Variants in ZNF474 observed in about 807,000 individuals in gnomAD.
The protein encoded by ZNF474 is 4933409D10Rik.
For synonymous variants in ZNF474, 192 were observed against 162.2 expected (o/e 1.18, Z -1.39); for missense variants, 511 against 433.8 (o/e 1.18, Z -1.58).
intron 1 of ZNF474, among the ~76,000 whole-genome samples, chr5:122,132,126 A>G (rs1755591824): frequency 6.6e-6 from 1 of 152,110 alleles, no homozygotes; most frequent in Non-Finnish European, 1.5e-5. Flanking sequence ...TCGGCAGCAC[A>G]TTATTCAAAG....
intron 1 of ZNF474, among the ~76,000 whole-genome samples, chr5:122,144,222 A>G (rs1755926195): frequency 6.6e-6 from 1 of 152,228 alleles, no homozygotes; most frequent in African/African-American, 2.4e-5. Flanking sequence ...ACTAATAAAT[A>G]TGTTGTATTT....
intron 1 of ZNF474, among the ~76,000 whole-genome samples, chr5:122,137,446 CAAAAAAAAAAAA>C (rs1166694085): frequency 0.01 from 121 of 11,602 alleles, no homozygotes; most frequent in East Asian, 0.017. Flanking sequence ...GACTCTGTCT[CAAAAAAAAAAAA>C]AAAAAAAAAA....
chr5:122,131,006 C>A (rs1414839415), intron 1 of ZNF474, among the ~76,000 whole-genome samples: 1 of 152,120 alleles, frequency 6.6e-6, no homozygotes, highest in Non-Finnish European at 1.5e-5. Context: ...TTCGTCTCAT[C>A]CTCCACTCAT....
chr5:122,145,402 A>G (rs1355954444), intron 1 of ZNF474, among the ~76,000 whole-genome samples: 1 of 152,170 alleles, frequency 6.6e-6, no homozygotes, highest in Non-Finnish European at 1.5e-5. Flanking sequence ...CCATGGTACC[A>G]GACGCTGCCT....
At position 122,153,420 on chromosome 5, in the gene ZNF474, T is replaced by C. The variant is rs537195570; in HGVS notation, c.*335T>C. ...ATAATTCCCATTCCAACAGCCAATA[T>C]TTATTGTCGGTTTATTTTAGTCATC... On this transcript the variant is annotated 3_prime_UTR_variant, in exon 2 of 2. Coordinates refer to ENST00000296600, the MANE Select transcript of ZNF474 (RefSeq NM_207317.3). 1.6e-5 allele frequency: 4 copies of C among 248,050 alleles called. No individual in the cohort carries two copies. In the South Asian group the frequency reaches 4.3e-4, roughly 27 times the overall value. The allele number at this position is 248,050 out of a possible 1,614,324, so 15.4% of individuals were successfully genotyped here. A position where few individuals can be genotyped will look rare whatever the true frequency, so the allele number is the denominator to read the frequency against.
chr5:122,130,600 T>C (rs540219515), intron 1 of ZNF474, among the ~76,000 whole-genome samples: 84 of 152,318 alleles, frequency 5.5e-4, no homozygotes, highest in African/African-American at 1.9e-3. Flanking sequence ...AGTTTGTTTG[T>C]TTCTAGTTTG....
At chr5:122,132,505 G>A (rs188734270) in intron 1 of ZNF474, among the ~76,000 whole-genome samples, 7 of 152,010 alleles carry the variant, frequency 4.6e-5, no homozygotes, top group Admixed American at 3.9e-4. Flanking sequence ...TTATAATTAA[G>A]AGAAAGTATA....
intron 1 of ZNF474, among the ~76,000 whole-genome samples, chr5:122,137,446 CAAAAAAAAAAAAAAAAA>C (rs1166694085): frequency 4.3e-4 from 5 of 11,614 alleles, no homozygotes; most frequent in South Asian, 7.4e-3. Flanking sequence ...GACTCTGTCT[CAAAAAAAAAAAAAAAAA>C]AAAAAAAAAA....
At chr5:122,143,460 T>C (rs752898381) in intron 1 of ZNF474, among the ~76,000 whole-genome samples, 1 of 152,176 alleles carries the variant, frequency 6.6e-6, no homozygotes, top group Non-Finnish European at 1.5e-5. Flanking sequence ...AAAATGTAGA[T>C]ACTAAAATAT....
At chr5:122,150,267 A>G (rs905055877) in intron 1 of ZNF474, among the ~76,000 whole-genome samples, 5 of 152,088 alleles carry the variant, frequency 3.3e-5, no homozygotes, top group Admixed American at 2.6e-4. Context: ...TATGCTGGCC[A>G]CTCTGGGGCC....
chr5:122,138,245 A>T (rs1755754742), intron 1 of ZNF474, among the ~76,000 whole-genome samples: 1 of 152,220 alleles, frequency 6.6e-6, no homozygotes, highest in South Asian at 2.1e-4. Flanking sequence ...GCAATCACAT[A>T]GGAAACAAAA....
At chr5:122,142,893 A>G (rs1755884644) in intron 1 of ZNF474, among the ~76,000 whole-genome samples, 1 of 152,178 alleles carries the variant, frequency 6.6e-6, no homozygotes, top group Non-Finnish European at 1.5e-5. Context: ...TGGCGAGCAT[A>G]TCAGAAAATA....
intron 1 of ZNF474, among the ~76,000 whole-genome samples, chr5:122,149,919 G>A (rs566724715): frequency 2.3e-4 from 35 of 150,210 alleles, no homozygotes; most frequent in African/African-American, 7.7e-4. Context: ...GTGTGCGCGC[G>A]TGAGAGAGAG....
chr5:122,131,187 C>G (rs1033053685), intron 1 of ZNF474, among the ~76,000 whole-genome samples: 3 of 152,008 alleles, frequency 2.0e-5, no homozygotes, highest in Non-Finnish European at 4.4e-5. Flanking sequence ...AAATGGGAAC[C>G]CTTATACACT....
chr5:122,139,836 T>C (rs1022738378), intron 1 of ZNF474, among the ~76,000 whole-genome samples: 8 of 152,210 alleles, frequency 5.3e-5, no homozygotes, highest in African/African-American at 1.7e-4. Context: ...TTTCTCAAGA[T>C]AGAGAAGAAA....
chr5:122,151,968 A>C lies in ZNF474; in HGVS notation c.-23A>C, dbSNP rs1202132127. 1 of 1,593,144 alleles carries C rather than the reference A, an allele frequency of 6.3e-7. No individual in the cohort carries two copies. The highest frequency in any genetic ancestry group is 8.5e-7 in the Non-Finnish European group (1 of 1,173,960). The stretch of plus-strand genomic sequence containing the variant: ...AGTCTGGCCTGAAATCAGAGCAAGC[A>C]CTACAGAAAGACATCTTTGTTAATG... On this transcript the variant is annotated 5_prime_UTR_variant, in exon 2 of 2. Coordinates refer to ENST00000296600, the MANE Select transcript of ZNF474 (RefSeq NM_207317.3).
intron 1 of ZNF474, among the ~76,000 whole-genome samples, chr5:122,140,098 C>T (rs1003102894): frequency 1.3e-5 from 2 of 152,138 alleles, no homozygotes; most frequent in Admixed American, 1.3e-4. Flanking sequence ...TCTTCTAGAC[C>T]CTGGAATTGG....
chr5:122,152,612 C>T lies in ZNF474; in HGVS notation c.622C>T (p.Leu208Phe), dbSNP rs763521205. ...HSNSSDHLTG[L>F]KKACSGTPAR... The stretch of plus-strand genomic sequence containing the variant: ...AAACAGTTCTGATCATCTTACTGGC[C>T]TCAAGAAAGCTTGTAGTGGAACCCC... Residue 208 changes from leucine to phenylalanine, a missense_variant, in exon 2 of 2, where the codon CTC (leucine) becomes TTC (phenylalanine). Transcript: ENST00000296600. The T allele has an allele frequency of 2.0e-5, 32 of 1,614,090 alleles. No individual in the cohort carries two copies. Among genetic ancestry groups the T allele is most frequent in the Non-Finnish European group, 2.5e-5 (30 of 1,180,054 alleles).
chr5:122,136,435 T>C (rs926234792), intron 1 of ZNF474, among the ~76,000 whole-genome samples: 7 of 152,212 alleles, frequency 4.6e-5, no homozygotes, highest in Non-Finnish European at 8.8e-5. Context: ...CTCCTTCAGC[T>C]TTCTACCTAG....
Sources: gnomAD v4.1 joint callset for allele counts (sites outside exome capture counted in the v4.1 genomes callset) on GRCh38, gnomAD v4.1.1 for gene constraint, MANE v1.5 for transcripts, NCBI Gene and HGNC (gene_info 2026-07-23, HGNC 2026-07-21) for gene names.